Variants in LSAMP observed in about 807,000 individuals in gnomAD.
LSAMP encodes limbic system associated membrane protein.
A neutral mutation model predicts 38.6 loss-of-function variants in LSAMP; 7 were observed. The ratio of observed to expected loss-of-function variants is 0.18; its 90% CI spans 0.10 to 0.34. The LOEUF (loss-of-function observed/expected upper bound fraction) is 0.34. Among genes scored for constraint, LSAMP ranks in the 10% least tolerant of loss-of-function variants. The pLI is 1.00. For synonymous variants in LSAMP, 154 were observed against 166.8 expected, an observed-to-expected ratio of 0.92 and a Z score of 0.59; for missense variants, 313 against 420.0, an observed-to-expected ratio of 0.75 and a Z score of 2.23.
intron 1 of LSAMP, among the ~76,000 whole-genome samples, chr3:116,139,647 C>T (rs1418529361): frequency 6.6e-6 from 1 of 151,936 alleles, no homozygotes; most frequent in Non-Finnish European, 1.5e-5. Context: ...TCATCGTCAA[C>T]CTAGGGGCCT....
At position 116,260,610 on chromosome 3, in the gene LSAMP, A is replaced by G. The variant is rs146793392; in HGVS notation, c.156-174054T>C. Among the ~76,000 whole-genome samples the G allele has an allele frequency of 3.5e-3, 530 of 152,272 alleles. 4 individuals carry two copies. Among genetic ancestry groups the G allele is most frequent in the Middle Eastern group, 0.017 (5 of 294 alleles). On this transcript the variant is annotated intron_variant, in intron 1 of 6. Coordinates refer to ENST00000490035, the MANE Select transcript of LSAMP (RefSeq NM_002338.5). ...CTAGGGCTTTAGTAACTGCACTTGGACACCTTCTAAGAGTGCTGGTTACCT... is the reference window on the plus strand; with the variant it reads ...CTAGGGCTTTAGTAACTGCACTTGGGCACCTTCTAAGAGTGCTGGTTACCT...
chr3:115,877,264 T>A (rs914358384), intron 3 of LSAMP, among the ~76,000 whole-genome samples: 4 of 151,926 alleles, frequency 2.6e-5, no homozygotes, highest in Non-Finnish European at 4.4e-5. Flanking sequence ...GTTTTTTTTT[T>A]CTCCTTCCTG....
intron 1 of LSAMP, among the ~76,000 whole-genome samples, chr3:116,124,861 A>G (rs1412335445): frequency 1.3e-5 from 2 of 152,194 alleles, no homozygotes; most frequent in Non-Finnish European, 2.9e-5. Context: ...TACACATGCA[A>G]AGGGTATTGT....
chr3:115,996,466 T>G (rs1468363909), intron 3 of LSAMP, among the ~76,000 whole-genome samples: 1 of 152,114 alleles, frequency 6.6e-6, no homozygotes, highest in African/African-American at 2.4e-5. Context: ...GTATTATGAC[T>G]TCAGTAATAA....
At chr3:116,086,183 T>C (rs987105322) in intron 2 of LSAMP, 141 bp downstream of exon 2, 1 of 725,022 alleles carries the variant, frequency 1.4e-6, no homozygotes, top group African/African-American at 1.8e-5. Context: ...AGTGTCTTTT[T>C]AGACAGAAAA....
intron 1 of LSAMP, among the ~76,000 whole-genome samples, chr3:116,310,989 G>T (rs1017078100): frequency 6.7e-6 from 1 of 150,368 alleles, no homozygotes; most frequent in Non-Finnish European, 1.5e-5. Context: ...TTACCTGAAA[G>T]ATCATACTAC....
intron 6 of LSAMP, among the ~76,000 whole-genome samples, chr3:115,812,721 C>A (rs948218455): frequency 2.0e-5 from 3 of 152,160 alleles, no homozygotes; most frequent in African/African-American, 7.2e-5. Context: ...CTTGTGTTTG[C>A]ACCAGAGATA....
chr3:116,290,394 T>A (rs2047248515), intron 1 of LSAMP, among the ~76,000 whole-genome samples: 1 of 151,722 alleles, frequency 6.6e-6, no homozygotes, highest in Admixed American at 6.6e-5. Flanking sequence ...GTTGAAGAAT[T>A]CCCCCCCATC....
intron 1 of LSAMP, among the ~76,000 whole-genome samples, chr3:116,137,542 T>C (rs1709278399): frequency 6.6e-6 from 1 of 152,176 alleles, no homozygotes; most frequent in South Asian, 2.1e-4. Context: ...CCAATGGATT[T>C]ACATATAACA....
At chr3:115,947,317 T>A (rs1938131142) in intron 3 of LSAMP, among the ~76,000 whole-genome samples, 1 of 152,150 alleles carries the variant, frequency 6.6e-6, no homozygotes, top group South Asian at 2.1e-4. Context: ...AGAAAAATAG[T>A]GAAAATTAGG....
At position 116,056,165 on chromosome 3, in the gene LSAMP, G is replaced by A. The variant is rs559371889; in HGVS notation, c.388+30159C>T. On this transcript the variant is annotated intron_variant, in intron 2 of 6. Coordinates refer to ENST00000490035, the MANE Select transcript of LSAMP (RefSeq NM_002338.5). Reference sequence around the variant, plus strand: ...TATTTATTTACTTTCATCCTAGAATGTATATCTGCTACATGAAAGACTATA... The same window carrying A: ...TATTTATTTACTTTCATCCTAGAATATATATCTGCTACATGAAAGACTATA... Among the ~76,000 whole-genome samples, 3 of 152,164 alleles carry A rather than the reference G, an allele frequency of 2.0e-5. No homozygotes were observed. The South Asian group carries it at 6.2e-4, about 32-fold the overall frequency.
At position 116,445,299 on chromosome 3, in the gene LSAMP, C is replaced by T. The variant is rs2049496609; in HGVS notation, c.-268G>A. The T allele has an allele frequency of 3.5e-6, 2 of 576,098 alleles. No individual in the cohort carries two copies. The highest frequency in any genetic ancestry group is 6.1e-6 in the Non-Finnish European group (2 of 326,984). The allele number at this position is 576,098 out of a possible 1,614,324, so 35.7% of individuals were successfully genotyped here. A position where few individuals can be genotyped will look rare whatever the true frequency, so the allele number is the denominator to read the frequency against. On this transcript the variant is annotated 5_prime_UTR_variant, in exon 1 of 7. Coordinates refer to ENST00000490035, the MANE Select transcript of LSAMP (RefSeq NM_002338.5). The stretch of plus-strand genomic sequence containing the variant: ...AAAGAGAGAGTGCAAATAGCAAGCC[C>T]TCTGGAAGAGCTGAAGAGGAAGCCA...
intron 2 of LSAMP, among the ~76,000 whole-genome samples, chr3:116,020,137 A>G (rs1232373331): frequency 6.6e-6 from 1 of 152,208 alleles, no homozygotes; most frequent in Middle Eastern, 3.2e-3. Flanking sequence ...ATCTAGCAAC[A>G]TAATGAACAT....
At chr3:116,267,037 A>G (rs541061798) in intron 1 of LSAMP, among the ~76,000 whole-genome samples, 43 of 152,302 alleles carry the variant, frequency 2.8e-4, no homozygotes, top group African/African-American at 1.0e-3. Context: ...GATAAGATCA[A>G]TGCAGGTATT....
intron 3 of LSAMP, among the ~76,000 whole-genome samples, chr3:115,986,669 T>A: frequency 6.7e-6 from 1 of 149,072 alleles, no homozygotes; most frequent in Middle Eastern, 3.5e-3. Flanking sequence ...TACCCCTAGA[T>A]GGCAGATCCA....
chr3:116,017,618 G>T (rs892275967), intron 3 of LSAMP, among the ~76,000 whole-genome samples: 1 of 151,852 alleles, frequency 6.6e-6, no homozygotes, highest in Middle Eastern at 3.2e-3. Flanking sequence ...TTTACAGATG[G>T]TCCATAAATT....
chr3:115,839,072 A>G (rs996475695), intron 6 of LSAMP, among the ~76,000 whole-genome samples: 9 of 152,104 alleles, frequency 5.9e-5, no homozygotes, highest in African/African-American at 2.2e-4. Flanking sequence ...GCCCCCAAGC[A>G]TTTCTCCCCT....
intron 1 of LSAMP, among the ~76,000 whole-genome samples, chr3:116,266,837 G>C (rs1047390592): frequency 2.6e-5 from 4 of 152,250 alleles, no homozygotes; most frequent in Admixed American, 2.6e-4. Flanking sequence ...GCGTAAACAG[G>C]AATGTTAGCA....
At chr3:116,077,617 T>G (rs112003956) in intron 2 of LSAMP, among the ~76,000 whole-genome samples, 15 of 152,348 alleles carry the variant, frequency 9.8e-5, no homozygotes, top group African/African-American at 3.4e-4. Context: ...TGTATTTCAC[T>G]TTCACTTTGA....
Sources: allele counts gnomAD v4.1 joint callset (sites outside exome capture counted in the v4.1 genomes callset), GRCh38; gene constraint gnomAD v4.1.1; transcripts MANE v1.5; gene names NCBI Gene and HGNC (gene_info 2026-07-23, HGNC 2026-07-21).